Variants in GRIA1 observed in about 807,000 individuals in gnomAD.
GRIA1 encodes the protein glutamate receptor 1.
A neutral mutation model predicts 99.2 loss-of-function variants in GRIA1; 31 were observed. That is an observed-to-expected ratio of 0.31 (90% CI 0.23 to 0.42). The LOEUF (loss-of-function observed/expected upper bound fraction) is 0.42, where lower values mean the gene tolerates loss of function less well. GRIA1 is among the 10% of genes least tolerant of loss of function. The probability of loss-of-function intolerance (pLI) is 1.00; values close to 1 mark genes in which losing one functional copy is unlikely to be tolerated. For missense variants in GRIA1, 782 were observed against 1,157.5 expected, an observed-to-expected ratio of 0.68 and a Z score of 4.71; for synonymous variants, 438 against 432.4, an observed-to-expected ratio of 1.01 and a Z score of -0.16.
intron 7 of GRIA1, among the ~76,000 whole-genome samples, chr5:153,682,474 C>G (rs1460316158): frequency 6.6e-6 from 1 of 152,188 alleles, no homozygotes; most frequent in Admixed American, 6.5e-5. Flanking sequence ...TGGCAAAGAA[C>G]TTGCTAAGTC....
chr5:153,726,192 C>T (rs1366155136), intron 11 of GRIA1, among the ~76,000 whole-genome samples: 15 of 151,286 alleles, frequency 9.9e-5, no homozygotes, highest in African/African-American at 2.9e-4. Flanking sequence ...TTGAAACCAA[C>T]GAGAACAAAG....
At chr5:153,614,346 A>T (rs1402359061) in intron 2 of GRIA1, among the ~76,000 whole-genome samples, 3 of 152,246 alleles carry the variant, frequency 2.0e-5, no homozygotes, top group Admixed American at 1.3e-4. Flanking sequence ...TGATAGTGAC[A>T]ATAGTTAGCA....
chr5:153,585,348 G>A (rs1465948264), intron 2 of GRIA1, among the ~76,000 whole-genome samples: 10 of 109,468 alleles, frequency 9.1e-5, no homozygotes, highest in African/African-American at 1.8e-4. Flanking sequence ...TTGCTCTGTC[G>A]CCCAGGCTGG....
At chr5:153,509,747 C>T (rs1351724210) in intron 2 of GRIA1, among the ~76,000 whole-genome samples, 5 of 152,142 alleles carry the variant, frequency 3.3e-5, no homozygotes, top group Admixed American at 3.3e-4. Flanking sequence ...ACTCCTTTTA[C>T]AGTTGTGCAG....
chr5:153,497,303 G>T (rs1412847189), intron 2 of GRIA1, among the ~76,000 whole-genome samples: 1 of 152,170 alleles, frequency 6.6e-6, no homozygotes, highest in Non-Finnish European at 1.5e-5. Context: ...GCTTATTTTG[G>T]TGCCTTTGTG....
chr5:153,707,126 A>AG (rs1425839900), intron 11 of GRIA1, among the ~76,000 whole-genome samples: 2 of 152,084 alleles, frequency 1.3e-5, no homozygotes. Flanking sequence ...CTTTAAAAAA[A>AG]AAGAAGAAAA....
intron 2 of GRIA1, among the ~76,000 whole-genome samples, chr5:153,616,250 A>T (rs1766492098): frequency 6.6e-6 from 1 of 152,176 alleles, no homozygotes; most frequent in South Asian, 2.1e-4. Context: ...CTTTTCAAAC[A>T]TGGTACAATT....
intron 2 of GRIA1, among the ~76,000 whole-genome samples, chr5:153,579,898 A>AAC (rs1408971466): frequency 6.2e-5 from 8 of 129,646 alleles, no homozygotes; most frequent in African/African-American, 2.5e-4. Flanking sequence ...CAAACAAACA[A>AAC]AAAAAAAAAA....
At chr5:153,670,400 CA>C (rs1280037614) in intron 5 of GRIA1, among the ~76,000 whole-genome samples, 1 of 151,832 alleles carries the variant, frequency 6.6e-6, no homozygotes, top group Non-Finnish European at 1.5e-5. Context: ...GCTGGAAAAA[CA>C]CTTGACTAAC....
intron 8 of GRIA1, among the ~76,000 whole-genome samples, chr5:153,693,946 C>T (rs1757928789): frequency 6.6e-6 from 1 of 152,194 alleles, no homozygotes; most frequent in African/African-American, 2.4e-5. Context: ...CCAGATTTCT[C>T]AGTCTACTAG....
At chr5:153,633,486 G>A (rs1561711249) in intron 2 of GRIA1, among the ~76,000 whole-genome samples, 1 of 152,138 alleles carries the variant, frequency 6.6e-6, no homozygotes, top group Non-Finnish European at 1.5e-5. Flanking sequence ...TAAATACTTG[G>A]TAGTGAGGAG....
rs1273565044 is a variant in GRIA1, at chr5:153,724,391, G to C, written c.1823+18324G>C. Among the ~76,000 whole-genome samples, 6 of 152,282 alleles carry C rather than the reference G, an allele frequency of 3.9e-5. No individual in the cohort carries two copies. The East Asian group carries it at 1.2e-3, about 29-fold the overall frequency. Reference sequence around the variant, plus strand: ...CCTCACCAGCAACGGAACAAAGCTGGACAGAGAATGACTTTGACGAGTTGA... The same window carrying C: ...CCTCACCAGCAACGGAACAAAGCTGCACAGAGAATGACTTTGACGAGTTGA... On this transcript the variant is annotated intron_variant, in intron 11 of 15. Transcript: ENST00000285900.
rs191782250 is a variant in GRIA1, at chr5:153,726,182, T to C, written c.1823+20115T>C. Among the ~76,000 whole-genome samples, 504 of 151,832 alleles carry C rather than the reference T, an allele frequency of 3.3e-3. 8 individuals are homozygous for C. The highest frequency in any genetic ancestry group is 0.011 in the African/African-American group (474 of 41,378). ...ATGAAGGCAGAAATAAAGATGTTCT[T>C]TGAAACCAACGAGAACAAAGACACA... On this transcript the variant is annotated intron_variant, in intron 11 of 15. Transcript: ENST00000285900.
intron 2 of GRIA1, among the ~76,000 whole-genome samples, chr5:153,592,066 C>T (rs1272259101): frequency 6.6e-6 from 1 of 152,080 alleles, no homozygotes; most frequent in Non-Finnish European, 1.5e-5. Flanking sequence ...AGAGTAAAGG[C>T]AGTGATATTA....
intron 2 of GRIA1, among the ~76,000 whole-genome samples, chr5:153,630,634 G>A (rs1752884752): frequency 6.6e-6 from 1 of 152,168 alleles, no homozygotes; most frequent in African/African-American, 2.4e-5. Context: ...TCCCTCCCAT[G>A]CTCAAAGCAG....
At chr5:153,675,135 T>C (rs556526786) in intron 6 of GRIA1, among the ~76,000 whole-genome samples, 34 of 152,356 alleles carry the variant, frequency 2.2e-4, no homozygotes, top group African/African-American at 7.2e-4. Context: ...CATATGCTAT[T>C]GATCGTATCT....
chr5:153,691,316 G>A (rs12717878), intron 8 of GRIA1, among the ~76,000 whole-genome samples: 29,480 of 152,158 alleles, frequency 0.19, 3,006 homozygotes, highest in African/African-American at 0.21. Flanking sequence ...TGGCTGCCCA[G>A]TGGAGAAGTT....
chr5:153,705,632 A>G (rs1581505606), intron 10 of GRIA1, 65 bp from the exon 11 acceptor site: 1 of 1,433,962 alleles, frequency 7.0e-7, no homozygotes, highest in East Asian at 2.5e-5. Context: ...GAAAAACAAG[A>G]GAATGAAAAG....
At chr5:153,745,122 C>G (rs899360936) in intron 11 of GRIA1, among the ~76,000 whole-genome samples, 1 of 152,198 alleles carries the variant, frequency 6.6e-6, no homozygotes, top group African/African-American at 2.4e-5. Flanking sequence ...CCTGTTTCCA[C>G]TGTCTAGAGT....
Sources: allele counts gnomAD v4.1 joint callset (sites outside exome capture counted in the v4.1 genomes callset), GRCh38; gene constraint gnomAD v4.1.1; transcripts MANE v1.5; gene names NCBI Gene and HGNC (gene_info 2026-07-23, HGNC 2026-07-21).